The following ARID4B variants were observed in gnomAD, a reference collection of about 807,000 sequenced individuals.
ARID4B encodes the protein AT-rich interaction domain 4B.
ARID4B carries 26 observed loss-of-function variants against 147.5 expected under a neutral mutation model. The observed-to-expected ratio is 0.18, with a 90% CI of 0.13 to 0.24. The LOEUF (loss-of-function observed/expected upper bound fraction) is 0.24, where lower values mean the gene tolerates loss of function less well. Ranked by LOEUF, ARID4B falls within the 10% of genes least tolerant of loss-of-function variation. The pLI is 1.00. For missense variants in ARID4B, 1,179 were observed against 1,511.5 expected (o/e 0.78, Z 3.65); for synonymous variants, 512 against 507.9 (o/e 1.01, Z -0.11).
chr1:235,208,009 T>C (rs577554261), intron 17 of ARID4B, among the ~76,000 whole-genome samples: 1 of 152,342 alleles, frequency 6.6e-6, no homozygotes, highest in African/African-American at 2.4e-5. Context: ...CTTTTACTTT[T>C]GGGTTCCCAT....
chr1:235,212,189 G>A (rs1305457102), intron 17 of ARID4B, among the ~76,000 whole-genome samples: 2 of 152,160 alleles, frequency 1.3e-5, no homozygotes, highest in South Asian at 2.1e-4. Flanking sequence ...AAGTTGCAGT[G>A]AGTAGAGATC....
intron 5 of ARID4B, among the ~76,000 whole-genome samples, chr1:235,254,115 A>C (rs181863845): frequency 5.9e-5 from 9 of 152,198 alleles, no homozygotes; most frequent in Non-Finnish European, 4.4e-5. Context: ...TAGACTTCCT[A>C]CATAGAATTG....
chr1:235,324,039 G>A (rs1249601838), intron 2 of ARID4B, among the ~76,000 whole-genome samples: 1 of 151,770 alleles, frequency 6.6e-6, no homozygotes, highest in African/African-American at 2.4e-5. Flanking sequence ...CCGAATAGCT[G>A]GGATTACAGG....
At chr1:235,271,430 G>C (rs1488515538) in intron 2 of ARID4B, among the ~76,000 whole-genome samples, 1 of 151,926 alleles carries the variant, frequency 6.6e-6, no homozygotes, top group Non-Finnish European at 1.5e-5. Context: ...AGGAGTTCGA[G>C]TCCAGCCTGG....
Position 235,265,696 on chromosome 1 carries a change from C to CA in ARID4B, c.7-4945dup, listed in dbSNP as rs11287519. 9.2e-3 allele frequency among the ~76,000 whole-genome samples: 1,345 copies of CA among 145,592 alleles called. 18 individuals are homozygous for CA. Among genetic ancestry groups the CA allele is most frequent in the African/African-American group, 0.028 (1,116 of 39,442 alleles). Reference sequence around the variant, plus strand: ...CCTGGGCGACACTGAGACCTTGTCTCAAAAAAAAAAGAAAAGAAAAAAAAG... The same window carrying CA: ...CCTGGGCGACACTGAGACCTTGTCTCAAAAAAAAAAAGAAAAGAAAAAAAAG... On this transcript the variant is annotated intron_variant, in intron 2 of 23. Coordinates refer to ENST00000264183, the MANE Select transcript of ARID4B (RefSeq NM_016374.6).
chr1:235,234,711 A>G (rs1668452910), intron 8 of ARID4B, among the ~76,000 whole-genome samples: 1 of 150,986 alleles, frequency 6.6e-6, no homozygotes, highest in Non-Finnish European at 1.5e-5. Flanking sequence ...AATTTTTGGC[A>G]TAGGCAAGGC....
In ARID4B at chr1:235,182,185, A is replaced by C; in HGVS notation, c.2734T>G (p.Ser912Ala). 6.2e-7 allele frequency: 1 copy of C among 1,614,078 alleles called. No homozygotes were observed. Among genetic ancestry groups the C allele is most frequent in the Non-Finnish European group, 8.5e-7 (1 of 1,180,028 alleles). ...AEKRIKLLNN[S>A]DERLQNSRAK... ...CTGCTGTTTTGAAGTCTTTCATCAGAGTTATTTAAAAGTTTAATCCTTTTT... is the reference window on the plus strand; with the variant it reads ...CTGCTGTTTTGAAGTCTTTCATCAGCGTTATTTAAAAGTTTAATCCTTTTT... Residue 912 changes from serine (S) to alanine (A), a missense_variant, in exon 20 of 24, where the codon TCT (serine) becomes GCT (alanine). Transcript: ENST00000264183.
intron 2 of ARID4B, among the ~76,000 whole-genome samples, chr1:235,309,600 G>A (rs1673895839): frequency 6.7e-6 from 1 of 149,868 alleles, no homozygotes; most frequent in Admixed American, 6.6e-5. Context: ...GAGGTGAGGG[G>A]CGCCTCTGCC....
At chr1:235,225,424 G>A (rs1667766611) in intron 11 of ARID4B, among the ~76,000 whole-genome samples, 1 of 152,244 alleles carries the variant, frequency 6.6e-6, no homozygotes. Flanking sequence ...GCCAAGGGCT[G>A]TGGCAGCAGG....
At chr1:235,191,290 C>G (rs1045964820) in intron 19 of ARID4B, among the ~76,000 whole-genome samples, 1 of 151,356 alleles carries the variant, frequency 6.6e-6, no homozygotes, top group African/African-American at 2.4e-5. Flanking sequence ...CTGTTGCTAC[C>G]CAGGCTAGAG....
intron 2 of ARID4B, among the ~76,000 whole-genome samples, chr1:235,316,218 C>A (rs1674416754): frequency 6.6e-6 from 1 of 152,100 alleles, no homozygotes; most frequent in Non-Finnish European, 1.5e-5. Flanking sequence ...ATCCCTAACT[C>A]AAAAATAAGT....
chr1:235,194,805 G>A (rs1232909286), intron 18 of ARID4B, among the ~76,000 whole-genome samples: 3 of 152,016 alleles, frequency 2.0e-5, no homozygotes, highest in African/African-American at 4.8e-5. Context: ...GGCAACAAGA[G>A]TGAAACTCCG....
rs981511918 is a variant in ARID4B, at chr1:235,167,624, C to T, written c.*901G>A. On this transcript the variant is annotated 3_prime_UTR_variant, in exon 24 of 24. Coordinates refer to ENST00000264183, the MANE Select transcript of ARID4B (RefSeq NM_016374.6). ...TTCCTGAAGTCCTTTTGTTGTAGCTCATAATAAAATAAGCAATACAAATGA... is the reference window on the plus strand; with the variant it reads ...TTCCTGAAGTCCTTTTGTTGTAGCTTATAATAAAATAAGCAATACAAATGA... 5.7e-5 allele frequency: 12 copies of T among 210,614 alleles called. No individual in the cohort carries two copies. Among genetic ancestry groups the T allele is most frequent in the African/African-American group, 2.5e-4 (11 of 44,112 alleles). 13.0% of individuals were successfully genotyped at this position (210,614 alleles called of 1,614,324 possible).
At chr1:235,266,325 GA>G (rs1394442292) in intron 2 of ARID4B, among the ~76,000 whole-genome samples, 2 of 150,960 alleles carry the variant, frequency 1.3e-5, no homozygotes, top group African/African-American at 4.9e-5. Flanking sequence ...TACGTAGCCA[GA>G]AAAAAAAACT....
chr1:235,204,638 C>T (rs1200596159), intron 17 of ARID4B, among the ~76,000 whole-genome samples: 2 of 152,144 alleles, frequency 1.3e-5, no homozygotes, highest in African/African-American at 4.8e-5. Flanking sequence ...CAGCATTTTA[C>T]CAAAGCGTAC....
At position 235,251,727 on chromosome 1, in the gene ARID4B, C is replaced by G. The variant is rs1669658403; in HGVS notation, c.354+1003G>C. 2.0e-5 allele frequency among the ~76,000 whole-genome samples: 3 copies of G among 151,914 alleles called. No individual in the cohort carries two copies. The South Asian group carries it at 6.2e-4, about 32-fold the overall frequency. On this transcript the variant is annotated intron_variant, in intron 6 of 23. Coordinates refer to ENST00000264183, the MANE Select transcript of ARID4B (RefSeq NM_016374.6). ...ATATTAAAATATCCCCAAAGAAACACTATTCCAAATAGTGAGTAGAGAAAA... is the reference window on the plus strand; with the variant it reads ...ATATTAAAATATCCCCAAAGAAACAGTATTCCAAATAGTGAGTAGAGAAAA...
At chr1:235,187,956 C>T (rs1006897870) in intron 19 of ARID4B, among the ~76,000 whole-genome samples, 100 of 151,864 alleles carry the variant, frequency 6.6e-4, no homozygotes, top group African/African-American at 2.2e-3. Context: ...TATATCTATT[C>T]AGTAGATGTG....
Position 235,317,083 on chromosome 1 carries a change from A to T in ARID4B, c.6+9831T>A, listed in dbSNP as rs549543475. ...GATACTCAACCTGATTAAGCATTTC[A>T]CCTAAATGTTAACATTTCAGAAACA... On this transcript the variant is annotated intron_variant, in intron 2 of 23. Transcript: ENST00000264183. Among the ~76,000 whole-genome samples, 37 of 152,346 alleles carry T rather than the reference A, an allele frequency of 2.4e-4. No homozygotes were observed. In the South Asian group the frequency reaches 7.7e-3, roughly 32 times the overall value.
At chr1:235,196,869 A>T (rs1401273418) in intron 17 of ARID4B, among the ~76,000 whole-genome samples, 3 of 151,432 alleles carry the variant, frequency 2.0e-5, no homozygotes, top group Non-Finnish European at 4.4e-5. Context: ...AAAAAAAAAA[A>T]AAGAAATAAG....
Sources: gnomAD v4.1 joint callset for allele counts (sites outside exome capture counted in the v4.1 genomes callset) on GRCh38, gnomAD v4.1.1 for gene constraint, MANE v1.5 for transcripts, NCBI Gene and HGNC (gene_info 2026-07-23, HGNC 2026-07-21) for gene names.